EGFLAM: variants seen among roughly 807,000 people sequenced by gnomAD.
EGFLAM encodes the protein pikachurin.
Under a neutral mutation model 113.1 loss-of-function variants are expected in EGFLAM, and 79 were observed. That is an observed-to-expected ratio of 0.70 (90% CI 0.58 to 0.84). The LOEUF (loss-of-function observed/expected upper bound fraction) is 0.84, where lower values mean the gene tolerates loss of function less well. EGFLAM is among the 40% of genes least tolerant of loss of function. The probability of loss-of-function intolerance (pLI) is 0.00; values close to 1 mark genes in which losing one functional copy is unlikely to be tolerated. For synonymous variants in EGFLAM, 504 were observed against 487.6 expected (o/e 1.03, Z -0.44); for missense variants, 1,265 against 1,291.6 (o/e 0.98, Z 0.32).
chr5:38,319,985 A>C (rs1379642547), intron 1 of EGFLAM, among the ~76,000 whole-genome samples: 1 of 152,246 alleles, frequency 6.6e-6, no homozygotes, highest in Non-Finnish European at 1.5e-5. Flanking sequence ...GGTGTCTCCT[A>C]AGAGGCTGTC....
intron 17 of EGFLAM, among the ~76,000 whole-genome samples, chr5:38,439,061 T>C (rs1742448948): frequency 6.6e-6 from 1 of 152,218 alleles, no homozygotes; most frequent in Non-Finnish European, 1.5e-5. Flanking sequence ...GGTTATAGTA[T>C]TGACTAAATG....
intron 10 of EGFLAM, among the ~76,000 whole-genome samples, chr5:38,409,846 G>A (rs943010341): frequency 6.6e-6 from 1 of 152,142 alleles, no homozygotes; most frequent in African/African-American, 2.4e-5. Flanking sequence ...GCCACCTTTA[G>A]CTTATGTGTG....
Position 38,297,307 on chromosome 5 carries a change from T to TA in EGFLAM, c.97+38462dup, listed in dbSNP as rs141441510. ...TAAACTTATTTCAAAATAAAAAGCT[T>TA]AAAAAATTAAAGATAATGGTGTAGT... On this transcript the variant is annotated intron_variant, in intron 1 of 21. Coordinates refer to ENST00000322350, the MANE Select transcript of EGFLAM (RefSeq NM_152403.4). 3.3e-3 allele frequency among the ~76,000 whole-genome samples: 501 copies of TA among 152,284 alleles called. 6 individuals carry two copies. Among genetic ancestry groups the TA allele is most frequent in the African/African-American group, 0.012 (486 of 41,546 alleles).
chr5:38,329,632 C>G (rs747832551), intron 1 of EGFLAM, among the ~76,000 whole-genome samples: 9 of 152,098 alleles, frequency 5.9e-5, no homozygotes, highest in Non-Finnish European at 1.3e-4. Flanking sequence ...CCATGGAGTC[C>G]CAGTAGTTGT....
chr5:38,398,564 G>A (rs1430609131), intron 6 of EGFLAM, among the ~76,000 whole-genome samples: 1 of 152,180 alleles, frequency 6.6e-6, no homozygotes, highest in Non-Finnish European at 1.5e-5. Context: ...GGCAGTGAGG[G>A]ATAAGATTTC....
At chr5:38,288,027 A>G (rs1213126902) in intron 1 of EGFLAM, among the ~76,000 whole-genome samples, 2 of 152,242 alleles carry the variant, frequency 1.3e-5, no homozygotes, top group Admixed American at 6.5e-5. Context: ...GAAATTACTT[A>G]GTTTGTAATT....
At chr5:38,417,405 C>G (rs995633899) in intron 11 of EGFLAM, among the ~76,000 whole-genome samples, 3 of 150,870 alleles carry the variant, frequency 2.0e-5, no homozygotes, top group African/African-American at 7.3e-5. Context: ...TAATTTTGTC[C>G]CATCTAATCT....
rs189727771 is a variant in EGFLAM at position 38,308,157 on chromosome 5, C to T, written c.98-29363C>T. On this transcript the variant is annotated intron_variant, in intron 1 of 21. Transcript: ENST00000322350. ...CCCTTTCAAAACCTCTCCCCTCTCA[C>T]AATTGCTAAATAAAAGACAAAAGGG... is the stretch of plus-strand genomic sequence containing the variant. Among the ~76,000 whole-genome samples, 144 of 152,374 alleles carry T rather than the reference C, an allele frequency of 9.5e-4. 1 individual carries two copies. Among genetic ancestry groups the T allele is most frequent in the African/African-American group, 3.2e-3 (132 of 41,588 alleles).
rs79412195 is a variant in EGFLAM, at chr5:38,385,692, G to A, written c.712+15230G>A. Among the ~76,000 whole-genome samples, 326 of 152,294 alleles carry A rather than the reference G, an allele frequency of 2.1e-3. 1 individual carries two copies. Among genetic ancestry groups the A allele is most frequent in the African/African-American group, 7.2e-3 (299 of 41,562 alleles). ...TCACCATTGCTAAATGCAGGACTTT[G>A]TATTTTCTCATACCCTTCAGTTCCA... On this transcript the variant is annotated intron_variant, in intron 6 of 21. Coordinates refer to ENST00000322350, the MANE Select transcript of EGFLAM (RefSeq NM_152403.4).
intron 1 of EGFLAM, among the ~76,000 whole-genome samples, chr5:38,316,472 A>G (rs1360249323): frequency 6.6e-6 from 1 of 152,216 alleles, no homozygotes; most frequent in Non-Finnish European, 1.5e-5. Flanking sequence ...CACTCCTAAA[A>G]TAGGACAATA....
chr5:38,447,811 G>A (rs1561099964), intron 17 of EGFLAM, among the ~76,000 whole-genome samples: 1 of 151,646 alleles, frequency 6.6e-6, no homozygotes, highest in African/African-American at 2.4e-5. Context: ...GATCAGAAAT[G>A]CGGGAGTCCA....
chr5:38,331,359 A>G (rs1739036548), intron 1 of EGFLAM, among the ~76,000 whole-genome samples: 1 of 152,196 alleles, frequency 6.6e-6, no homozygotes, highest in Non-Finnish European at 1.5e-5. Flanking sequence ...ATCATATAGA[A>G]TAGTTTCACT....
intron 3 of EGFLAM, chr5:38,345,214 T>C (rs539207638): frequency 6.6e-6 from 1 of 152,322 alleles, no homozygotes; most frequent in Non-Finnish European, 1.5e-5. Context: ...TCCAGTCTCA[T>C]TGTCTGTAAA....
At chr5:38,347,779 C>G (rs1739512501) in intron 3 of EGFLAM, among the ~76,000 whole-genome samples, 1 of 152,124 alleles carries the variant, frequency 6.6e-6, no homozygotes, top group Admixed American at 6.6e-5. Flanking sequence ...AGTACGTGAT[C>G]AGATTGCATA....
chr5:38,307,158 A>G (rs995919218), intron 1 of EGFLAM, among the ~76,000 whole-genome samples: 2 of 152,224 alleles, frequency 1.3e-5, no homozygotes, highest in East Asian at 3.8e-4. Flanking sequence ...AATAAATAAT[A>G]TCATTATTTT....
intron 3 of EGFLAM, among the ~76,000 whole-genome samples, chr5:38,344,257 G>T (rs953093102): frequency 5.3e-5 from 8 of 152,192 alleles, no homozygotes; most frequent in Non-Finnish European, 1.2e-4. Flanking sequence ...AGGCTGAGGT[G>T]GGCAGATCAC....
At chr5:38,383,070 G>A (rs2468541) in intron 6 of EGFLAM, among the ~76,000 whole-genome samples, 8,019 of 152,254 alleles carry the variant, frequency 0.053, 686 homozygotes, top group African/African-American at 0.18. Context: ...TCAGTCTGGA[G>A]TCACCTGAAG....
In EGFLAM at chr5:38,426,997, T is replaced by C. The variant is rs372681054; in HGVS notation, c.1811-12T>C. The C allele has an allele frequency of 1.2e-6, 2 of 1,613,230 alleles. No homozygotes were observed. Among genetic ancestry groups the C allele is most frequent in the African/African-American group, 2.7e-5 (2 of 74,914 alleles). ...CACAGAGGGATTTCTAACACCATGC[T>C]TGTTTTTTCAGCTTTCACCTTGACC... On this transcript the variant is annotated splice_polypyrimidine_tract_variant and intron_variant, in intron 13 of 21. Transcript: ENST00000322350.
chr5:38,348,049 TGAGA>T (rs59761113), intron 3 of EGFLAM, among the ~76,000 whole-genome samples: 9 of 147,646 alleles, frequency 6.1e-5, no homozygotes, highest in East Asian at 2.0e-4. Flanking sequence ...CCTTGGGTAA[TGAGA>T]GAGAGAGAGA....
Sources: gnomAD v4.1 joint callset for allele counts (sites outside exome capture counted in the v4.1 genomes callset) on GRCh38, gnomAD v4.1.1 for gene constraint, MANE v1.5 for transcripts, NCBI Gene and HGNC (gene_info 2026-07-23, HGNC 2026-07-21) for gene names.